The following GCFC2 variants were observed in gnomAD, a reference collection of about 807,000 sequenced individuals.
The protein encoded by GCFC2 is GC-rich sequence DNA-binding factor 2, also known as intron Large complex component GCFC2.
GCFC2 carries 102 observed loss-of-function variants against 99.4 expected under a neutral mutation model. That is an observed-to-expected ratio of 1.03 (90% CI 0.87 to 1.21). The LOEUF (loss-of-function observed/expected upper bound fraction) is 1.21. Ranked by LOEUF, GCFC2 falls within the 50% of genes most tolerant of loss-of-function variation. GCFC2 has a pLI of 0.00. For missense variants in GCFC2, 973 were observed against 920.9 expected (o/e 1.06, Z -0.73); for synonymous variants, 338 against 316.8 (o/e 1.07, Z -0.71).
chr2:75,701,490 C>G (rs1680588839), intron 3 of GCFC2: 2 of 541,402 alleles, frequency 3.7e-6, no homozygotes, highest in Non-Finnish European at 6.5e-6. Flanking sequence ...AAGTAACTGT[C>G]TTAGGACTAT....
In GCFC2 at chr2:75,664,710, C is replaced by G; in HGVS notation, c.2302G>C (p.Glu768Gln). 1 of 1,561,886 alleles carries G rather than the reference C, an allele frequency of 6.4e-7. No homozygotes were observed. The highest frequency in any genetic ancestry group is 8.8e-7 in the Non-Finnish European group (1 of 1,133,760). ...ALNQAESFIG[E>Q]HHLDHLKSLI... ...GATTTAAGATGGTCTAGGTGATGCT[C>G]TCCTATGAAGGATTCTGCTTGATTC... Residue 768 changes from glutamate (E) to glutamine (Q), a missense_variant, in exon 17 of 17, where the codon GAG becomes CAG. By Grantham distance (29) the Glu-to-Gln change is conservative (BLOSUM62 2). Transcript: ENST00000321027.
At chr2:75,699,817 T>A (rs562802040) in intron 4 of GCFC2, among the ~76,000 whole-genome samples, 1 of 152,180 alleles carries the variant, frequency 6.6e-6, no homozygotes, top group East Asian at 1.9e-4. Context: ...GCTGAAGTGA[T>A]CCTTCCACCT....
intron 12 of GCFC2, among the ~76,000 whole-genome samples, chr2:75,676,405 T>C (rs1486676351): frequency 1.3e-5 from 2 of 152,110 alleles, no homozygotes. Flanking sequence ...TGGGATCATA[T>C]AGAATAGAAC....
chr2:75,690,944 T>A, intron 7 of GCFC2: 1 of 385,940 alleles, frequency 2.6e-6, no homozygotes, highest in Non-Finnish European at 4.6e-6. Context: ...CTTTGGCTGG[T>A]GTACTTTTGC....
At chr2:75,676,289 C>G (rs1573050954) in intron 12 of GCFC2, among the ~76,000 whole-genome samples, 1 of 152,296 alleles carries the variant, frequency 6.6e-6, no homozygotes, top group African/African-American at 2.4e-5. Context: ...GGATCATTAT[C>G]TCCTGAGGCT....
intron 11 of GCFC2, among the ~76,000 whole-genome samples, chr2:75,685,824 T>C (rs1324270646): frequency 2.6e-5 from 4 of 152,140 alleles, no homozygotes; most frequent in South Asian, 2.1e-4. Context: ...AAAATCAACA[T>C]GTCCCAAACT....
rs137977866 is a variant in GCFC2, at chr2:75,706,509, T to C, written c.394+14A>G. 2 of 1,538,676 alleles carry C rather than the reference T, an allele frequency of 1.3e-6. No homozygotes were observed. Among genetic ancestry groups the C allele is most frequent in the Non-Finnish European group, 1.8e-6 (2 of 1,127,048 alleles). ...AAAATAAAATTCTTAACCAAAATCA[T>C]ACAAATTACTAACCTGTTGATGAAA... On this transcript the variant is annotated intron_variant, in intron 2 of 16. Transcript: ENST00000321027.
At chr2:75,697,643 C>A (rs1167783444) in intron 4 of GCFC2, 3 of 152,172 alleles carry the variant, frequency 2.0e-5, no homozygotes, top group Non-Finnish European at 2.9e-5. Context: ...CTAATGGTGA[C>A]CCCATGAAAA....
intron 4 of GCFC2, chr2:75,697,827 A>C (rs1046788892): frequency 6.5e-6 from 1 of 152,712 alleles, no homozygotes; most frequent in Non-Finnish European, 1.5e-5. Context: ...AGATGCAACA[A>C]AGAGAGATGT....
chr2:75,709,713 AAAGT>A (rs1479503121), intron 1 of GCFC2, among the ~76,000 whole-genome samples: 4 of 152,256 alleles, frequency 2.6e-5, no homozygotes, highest in Non-Finnish European at 4.4e-5. Flanking sequence ...ACCACAAAAA[AAAGT>A]AAGTACCTAA....
intron 14 of GCFC2, 103 bp from the exon 15 acceptor site, chr2:75,670,387 A>G (rs554216638): frequency 1.4e-5 from 10 of 724,114 alleles, no homozygotes; most frequent in African/African-American, 3.5e-5. Context: ...TCTCACTACA[A>G]TTAGCCCTGT....
At position 75,693,735 on chromosome 2, in the gene GCFC2, A is replaced by G. The variant is rs147422880; in HGVS notation, c.1020+506T>C. Reference sequence around the variant, plus strand: ...TGTTCATACTCTAACAAAACCAGAAAAGAAAAAGAAAAAAATTTCCACTAA... The same window carrying G: ...TGTTCATACTCTAACAAAACCAGAAGAGAAAAAGAAAAAAATTTCCACTAA... On this transcript the variant is annotated intron_variant, in intron 6 of 16. Coordinates refer to ENST00000321027, the MANE Select transcript of GCFC2 (RefSeq NM_003203.5). 1.9e-4 allele frequency among the ~76,000 whole-genome samples: 29 copies of G among 152,194 alleles called. No homozygotes were observed. In the East Asian group the frequency reaches 5.0e-3, roughly 26 times the overall value.
intron 1 of GCFC2, 21 bp downstream of exon 1, chr2:75,710,570 T>C (rs1441729932): frequency 2.7e-6 from 4 of 1,482,408 alleles, no homozygotes; most frequent in Admixed American, 2.2e-5. Flanking sequence ...CCTCCCCGCT[T>C]CCCCGCGTCT....
chr2:75,691,569 CG>C (rs1283417864), intron 7 of GCFC2, among the ~76,000 whole-genome samples: 3 of 148,840 alleles, frequency 2.0e-5, no homozygotes, highest in South Asian at 2.1e-4. Flanking sequence ...AAAATCAATG[CG>C]AAAAAAAAAA....
In GCFC2 at chr2:75,687,911, C is replaced by A; in HGVS notation, c.1606G>T (p.Val536Leu). 1 of 1,596,046 alleles carries A rather than the reference C, an allele frequency of 6.3e-7. No individual in the cohort carries two copies. Among genetic ancestry groups the A allele is most frequent in the Non-Finnish European group, 8.6e-7 (1 of 1,165,370 alleles). The part of the protein sequence containing the change: ...KSVEEFMDSS[V>L]EDSKKESSSD... ...CTACTTTCCTTCTTTGAATCTTCCA[C>A]ACTGCTATCCATAAATTCTTCTACA... is the stretch of plus-strand genomic sequence containing the variant. Residue 536 changes from valine to leucine, a missense_variant, in exon 11 of 17, where the codon GTG (valine) becomes TTG (leucine). Physicochemically the swap from Val to Leu is conservative, Grantham distance 32. Coordinates refer to ENST00000321027, the MANE Select transcript of GCFC2 (RefSeq NM_003203.5).
At chr2:75,673,082 G>T (rs1042034477) in intron 13 of GCFC2, among the ~76,000 whole-genome samples, 3 of 152,112 alleles carry the variant, frequency 2.0e-5, no homozygotes, top group Non-Finnish European at 4.4e-5. Context: ...AGGCCAAGGC[G>T]GGCGGATCAC....
At chr2:75,699,827 T>C (rs896200911) in intron 4 of GCFC2, among the ~76,000 whole-genome samples, 6 of 152,166 alleles carry the variant, frequency 3.9e-5, no homozygotes, top group Non-Finnish European at 5.9e-5. Flanking sequence ...TCCTTCCACC[T>C]TGGCCTTCCG....
intron 11 of GCFC2, among the ~76,000 whole-genome samples, chr2:75,683,786 A>AG (rs1389374595): frequency 1.1e-4 from 16 of 146,678 alleles, no homozygotes; most frequent in African/African-American, 2.9e-4. Flanking sequence ...AAAAAAAAAA[A>AG]AAAAAAGAAA....
At chr2:75,696,452 C>A in intron 4 of GCFC2, 137 bp from the exon 5 acceptor site, 1 of 473,268 alleles carries the variant, frequency 2.1e-6, no homozygotes, top group Non-Finnish European at 3.8e-6. Flanking sequence ...TTTTCATGGT[C>A]CCAATAAAAT....
Sources: gnomAD v4.1 joint callset for allele counts (sites outside exome capture counted in the v4.1 genomes callset) on GRCh38, gnomAD v4.1.1 for gene constraint, MANE v1.5 for transcripts, NCBI Gene and HGNC (gene_info 2026-07-23, HGNC 2026-07-21) for gene names.